Variants in DCUN1D4 observed in about 807,000 individuals in gnomAD.
DCUN1D4 encodes DCN1-like protein 4.
Under a neutral mutation model 47.9 loss-of-function variants are expected in DCUN1D4, and 22 were observed. That is an observed-to-expected ratio of 0.46 (90% CI 0.33 to 0.66). The LOEUF is 0.66. Ranked by LOEUF, DCUN1D4 falls within the 30% of genes least tolerant of loss-of-function variation. The pLI, the probability that DCUN1D4 is intolerant of heterozygous loss-of-function variation, is 0.02. For synonymous variants in DCUN1D4, 121 were observed against 112.2 expected, an observed-to-expected ratio of 1.08 and a Z score of -0.50; for missense variants, 301 against 340.8, an observed-to-expected ratio of 0.88 and a Z score of 0.92.
chr4:51,845,661 G>A (rs1722427311), intron 1 of DCUN1D4, among the ~76,000 whole-genome samples: 1 of 152,106 alleles, frequency 6.6e-6, no homozygotes, highest in African/African-American at 2.4e-5. Context: ...ATAGATTTTT[G>A]TATGTAATAT....
chr4:51,885,177 G>A (rs1381067471), intron 5 of DCUN1D4, among the ~76,000 whole-genome samples: 1 of 152,166 alleles, frequency 6.6e-6, no homozygotes, highest in Non-Finnish European at 1.5e-5. Context: ...GCATGGGATT[G>A]CGTTTGAAGT....
chr4:51,875,243 T>G (rs1727493979), intron 4 of DCUN1D4: 3 of 152,238 alleles, frequency 2.0e-5, no homozygotes. Context: ...AAGATAGTAG[T>G]GATTTAGAAA....
At chr4:51,844,915 C>G (rs971323902) in intron 1 of DCUN1D4, 2 of 985,438 alleles carry the variant, frequency 2.0e-6, no homozygotes, top group African/African-American at 1.7e-5. Context: ...CCGGCCAGCT[C>G]CTGCGCGCTC....
At chr4:51,888,557 A>T (rs1448611653) in intron 6 of DCUN1D4, among the ~76,000 whole-genome samples, 1 of 151,742 alleles carries the variant, frequency 6.6e-6, no homozygotes, top group African/African-American at 2.4e-5. Flanking sequence ...CCTGGCCAAT[A>T]AGGCGAAACC....
chr4:51,882,242 T>G (rs1299315056), intron 5 of DCUN1D4, among the ~76,000 whole-genome samples: 3 of 152,222 alleles, frequency 2.0e-5, no homozygotes, highest in Non-Finnish European at 4.4e-5. Flanking sequence ...GATACCTCAG[T>G]AGACCTTCGT....
chr4:51,837,654 C>CAAAAAAAAAAAAAAA, the DCUN1D4 span, among the ~76,000 whole-genome samples: 1 of 46,188 alleles, frequency 2.2e-5, no homozygotes, highest in African/African-American at 8.3e-5. Context: ...GACTCCGTCT[C>CAAAAAAAAAAAAAAA]AAAAAAAAAA....
intron 8 of DCUN1D4, among the ~76,000 whole-genome samples, chr4:51,900,434 T>C (rs939714499): frequency 2.0e-5 from 3 of 152,156 alleles, no homozygotes; most frequent in Admixed American, 6.5e-5. Flanking sequence ...CATAATAATA[T>C]ATAAAAGTTA....
intron 6 of DCUN1D4, among the ~76,000 whole-genome samples, chr4:51,891,386 G>C (rs1730404119): frequency 6.6e-6 from 1 of 152,168 alleles, no homozygotes; most frequent in Non-Finnish European, 1.5e-5. Flanking sequence ...AAATACTGTT[G>C]ACTAAAATTC....
intron 5 of DCUN1D4, 58 bp downstream of exon 5, chr4:51,877,912 G>A: frequency 8.3e-7 from 1 of 1,200,356 alleles, no homozygotes; most frequent in Non-Finnish European, 1.2e-6. Flanking sequence ...GAGTACCTTA[G>A]AGATGATTAA....
rs376692521 is a variant in DCUN1D4 at position 51,913,404 on chromosome 4, C to T, written c.823+12C>T. On this transcript the variant is annotated intron_variant, in intron 10 of 10. Transcript: ENST00000334635. ...TGAAGATGGAGCATGTAAGTACTGC[C>T]GCTACCATTCTGCCATTCGTGTACA... 8.4e-5 allele frequency: 135 copies of T among 1,599,916 alleles called. 1 individual carries two copies. The highest frequency in any genetic ancestry group is 6.6e-4 in the Middle Eastern group (4 of 6,052).
chr4:51,859,554 T>G (rs1486391411), intron 1 of DCUN1D4, among the ~76,000 whole-genome samples: 1 of 148,340 alleles, frequency 6.7e-6, no homozygotes, highest in Non-Finnish European at 1.5e-5. Flanking sequence ...CTAGAGTAGT[T>G]TGGGGGAATG....
At chr4:51,907,448 G>A (rs1029402682) in intron 8 of DCUN1D4, among the ~76,000 whole-genome samples, 1 of 152,178 alleles carries the variant, frequency 6.6e-6, no homozygotes, top group African/African-American at 2.4e-5. Flanking sequence ...GGTTAAGGAG[G>A]ACTGCATTTT....
At chr4:51,866,458 A>G (rs1044744420) in intron 3 of DCUN1D4, among the ~76,000 whole-genome samples, 25 of 152,062 alleles carry the variant, frequency 1.6e-4, no homozygotes, top group African/African-American at 2.4e-5. Context: ...CCACTTTTCC[A>G]CTCAGTATAT....
chr4:51,868,350 G>A (rs1280694181), intron 3 of DCUN1D4, among the ~76,000 whole-genome samples: 5 of 152,200 alleles, frequency 3.3e-5, no homozygotes, highest in Admixed American at 2.6e-4. Flanking sequence ...CTCCACTGCA[G>A]CCCACCTCAT....
chr4:51,859,488 C>A (rs1317942898), intron 1 of DCUN1D4, among the ~76,000 whole-genome samples: 1 of 151,692 alleles, frequency 6.6e-6, no homozygotes. Flanking sequence ...TCTGAACTTA[C>A]CAATAATTGT....
chr4:51,838,075 G>A (rs1721542427), upstream of DCUN1D4, among the ~76,000 whole-genome samples: 1 of 152,118 alleles, frequency 6.6e-6, no homozygotes, highest in African/African-American at 2.4e-5. Context: ...TACACGATGA[G>A]CCACAAGAAT....
At chr4:51,834,084 CTCTT>C in the DCUN1D4 span, among the ~76,000 whole-genome samples, 1 of 44,992 alleles carries the variant, frequency 2.2e-5, no homozygotes, top group Non-Finnish European at 3.8e-5. Flanking sequence ...CTCTCTCTCT[CTCTT>C]TTCTTTTCTT....
At chr4:51,843,548 C>T in intron 1 of DCUN1D4, 1 of 1,172,466 alleles carries the variant, frequency 8.5e-7, no homozygotes, top group Non-Finnish European at 1.0e-6. Context: ...GAGGGCTGGA[C>T]GTGCGATGAA....
At chr4:51,846,749 C>T (rs1192909392) in intron 1 of DCUN1D4, among the ~76,000 whole-genome samples, 2 of 152,256 alleles carry the variant, frequency 1.3e-5, no homozygotes, top group Non-Finnish European at 2.9e-5. Context: ...TAGCAAGAAA[C>T]CTAGAAGTAG....
Sources: allele counts gnomAD v4.1 joint callset (sites outside exome capture counted in the v4.1 genomes callset), GRCh38; gene constraint gnomAD v4.1.1; transcripts MANE v1.5; gene names NCBI Gene and HGNC (gene_info 2026-07-23, HGNC 2026-07-21).